The following TEKT5 variants were observed in gnomAD, a reference collection of about 807,000 sequenced individuals.
TEKT5 encodes the protein tektin-5.
Under a neutral mutation model 48.7 loss-of-function variants are expected in TEKT5, and 52 were observed. The observed-to-expected ratio is 1.07, with a 90% CI of 0.86 to 1.35. TEKT5 has a LOEUF of 1.35. Ranked by LOEUF, TEKT5 falls within the 40% of genes most tolerant of loss-of-function variation. The pLI, the probability that TEKT5 is intolerant of heterozygous loss-of-function variation, is 0.00. For synonymous variants in TEKT5, 318 were observed against 267.6 expected (o/e 1.19, Z -1.84); for missense variants, 831 against 641.6 (o/e 1.30, Z -3.19).
chr16:10,643,575 T>C lies in TEKT5; in HGVS notation c.1087-7657A>G, dbSNP rs141585968. ...AGCCCTTGAATGTGGCTAGTGCAAA[T>C]TGAGATGAGCCGTAAGTAAGCACGT... On this transcript the variant is annotated intron_variant, in intron 5 of 6. Transcript: ENST00000283025. Among the ~76,000 whole-genome samples, 629 of 152,214 alleles carry C rather than the reference T, an allele frequency of 4.1e-3. 4 individuals carry two copies. Among genetic ancestry groups the C allele is most frequent in the Non-Finnish European group, 5.0e-3 (340 of 68,014 alleles).
intron 5 of TEKT5, among the ~76,000 whole-genome samples, chr16:10,652,597 C>T (rs1261604186): frequency 1.3e-5 from 1 of 75,100 alleles, no homozygotes; most frequent in Non-Finnish European, 2.6e-5. Flanking sequence ...CTTATATACA[C>T]AGGCAGACAC....
chr16:10,655,407 C>G (rs1301106727), intron 5 of TEKT5, among the ~76,000 whole-genome samples: 2 of 152,130 alleles, frequency 1.3e-5, no homozygotes, highest in Non-Finnish European at 2.9e-5. Context: ...CTGTCTAAAC[C>G]TCAGTATTTT....
At chr16:10,694,253 T>G in intron 1 of TEKT5, 57 bp downstream of exon 1, 5 of 1,487,440 alleles carry the variant, frequency 3.4e-6, no homozygotes, top group Non-Finnish European at 4.5e-6. Flanking sequence ...GGAAGCAGAA[T>G]GAGCGTGCAG....
intron 5 of TEKT5, among the ~76,000 whole-genome samples, chr16:10,653,627 G>A (rs762930947): frequency 5.9e-5 from 9 of 152,130 alleles, no homozygotes; most frequent in Non-Finnish European, 1.2e-4. Context: ...ATAATAACTT[G>A]CCCGGCCAGG....
At chr16:10,661,257 C>A (rs1302645101) in intron 5 of TEKT5, among the ~76,000 whole-genome samples, 1 of 152,148 alleles carries the variant, frequency 6.6e-6, no homozygotes, top group African/African-American at 2.4e-5. Flanking sequence ...AAATCACAAT[C>A]CCCCAAAGCT....
chr16:10,630,331 G>A (rs902656281), intron 6 of TEKT5, among the ~76,000 whole-genome samples: 1 of 151,922 alleles, frequency 6.6e-6, no homozygotes, highest in African/African-American at 2.4e-5. Flanking sequence ...AAACCTCTGG[G>A]TTCAAGAGAT....
intron 5 of TEKT5, among the ~76,000 whole-genome samples, chr16:10,643,409 A>G (rs1017966518): frequency 9.2e-5 from 14 of 152,016 alleles, no homozygotes; most frequent in Non-Finnish European, 1.9e-4. Context: ...ATATAAATAT[A>G]AAAAAATTTA....
In TEKT5 at chr16:10,658,618, G is replaced by T. The variant is rs1247416322; in HGVS notation, c.1086+17341C>A. Among the ~76,000 whole-genome samples the T allele has an allele frequency of 4.6e-5, 7 of 152,052 alleles. No individual in the cohort carries two copies. The East Asian group carries it at 9.7e-4, about 21-fold the overall frequency. On this transcript the variant is annotated intron_variant, in intron 5 of 6. Transcript: ENST00000283025. Reference sequence around the variant, plus strand: ...GTGTAGACTGAGAGGTGGTATGAGGGGGGCTCCTGGAACTAGAAATGTCCT... The same window carrying T: ...GTGTAGACTGAGAGGTGGTATGAGGTGGGCTCCTGGAACTAGAAATGTCCT...
At chr16:10,674,439 G>A (rs1258908748) in intron 5 of TEKT5, among the ~76,000 whole-genome samples, 2 of 151,818 alleles carry the variant, frequency 1.3e-5, no homozygotes, top group Non-Finnish European at 2.9e-5. Flanking sequence ...TTTGAGACCA[G>A]CCTAAGCAAC....
At position 10,694,412 on chromosome 16, in the gene TEKT5, C is replaced by T; in HGVS notation, c.462G>A (p.Glu154=). The change falls in exon 1 of 7, where the codon GAG becomes GAA. Residue 154 remains glutamate, a synonymous_variant. Transcript: ENST00000283025. ...RLSDIGFWKS[E]LSYELDRLLT... is the part of the protein sequence containing the mutation. The stretch of plus-strand genomic sequence containing the variant: ...GAAGCCTGTCCAGCTCATAGCTCAG[C>T]TCTGACTTCCAGAAGCCAATGTCCG... The T allele has an allele frequency of 6.2e-7, 1 of 1,614,172 alleles. No homozygotes were observed. The highest frequency in any genetic ancestry group is 8.5e-7 in the Non-Finnish European group (1 of 1,180,042).
chr16:10,656,857 C>G (rs1407832416), intron 5 of TEKT5, among the ~76,000 whole-genome samples: 1 of 152,088 alleles, frequency 6.6e-6, no homozygotes, highest in East Asian at 1.9e-4. Flanking sequence ...CCTCCCACCT[C>G]CACCTCCTGA....
At chr16:10,660,096 G>C (rs1427837123) in intron 5 of TEKT5, among the ~76,000 whole-genome samples, 1 of 152,164 alleles carries the variant, frequency 6.6e-6, no homozygotes, top group Non-Finnish European at 1.5e-5. Flanking sequence ...TGAGACATTA[G>C]GCAACGTGAT....
At chr16:10,632,980 C>A (rs1897860516) in intron 6 of TEKT5, among the ~76,000 whole-genome samples, 1 of 151,982 alleles carries the variant, frequency 6.6e-6, no homozygotes, top group South Asian at 2.1e-4. Context: ...AGTGGTATGA[C>A]TGTTGAACGG....
At position 10,653,999 on chromosome 16, in the gene TEKT5, CGT is replaced by C. The variant is rs368206992; in HGVS notation, c.1087-18083_1087-18082del. On this transcript the variant is annotated intron_variant, in intron 5 of 6. Coordinates refer to ENST00000283025, the MANE Select transcript of TEKT5 (RefSeq NM_144674.2). The stretch of plus-strand genomic sequence containing the variant: ...CTAAGTAAAATTGTGTGTGTGTGAA[CGT>C]GTGTGTGTGTGTGCATGTGTGTGTG... Among the ~76,000 whole-genome samples, 16 of 149,708 alleles carry C rather than the reference CGT, an allele frequency of 1.1e-4. No homozygotes were observed. In the East Asian group the frequency reaches 1.7e-3, roughly 16 times the overall value.
intron 5 of TEKT5, among the ~76,000 whole-genome samples, chr16:10,654,658 G>C (rs1266479647): frequency 6.6e-6 from 1 of 152,120 alleles, no homozygotes; most frequent in African/African-American, 2.4e-5. Flanking sequence ...TTCAGACTCA[G>C]ACGGAAGCTT....
chr16:10,629,037 G>A (rs1416248553), intron 6 of TEKT5, among the ~76,000 whole-genome samples: 1 of 152,220 alleles, frequency 6.6e-6, no homozygotes, highest in African/African-American at 2.4e-5. Flanking sequence ...CACAGGAAAT[G>A]TCCAGAAGAG....
rs749488863 is a variant in TEKT5, at chr16:10,694,660, G to A, written c.214C>T (p.Leu72=). 5 of 1,613,270 alleles carry A rather than the reference G, an allele frequency of 3.1e-6. No homozygotes were observed. The highest frequency in any genetic ancestry group is 2.5e-6 in the Non-Finnish European group (3 of 1,179,564). ...GTGGGCAGGATGGTGGGCGGCCGCA[G>A]GGTACTGGTGCTCTCGTCCGGGCAG... ...QTCPDESTST[L]RPPTILPTLR... Residue 72 remains leucine, a synonymous_variant, in exon 1 of 7, where the codon CTG becomes TTG. Coordinates refer to ENST00000283025, the MANE Select transcript of TEKT5 (RefSeq NM_144674.2).
chr16:10,673,401 GAA>G (rs1213640162), intron 5 of TEKT5, among the ~76,000 whole-genome samples: 6 of 152,192 alleles, frequency 3.9e-5, no homozygotes, highest in Non-Finnish European at 7.3e-5. Context: ...CTGCAAAGCT[GAA>G]AACAGTTATC....
intron 5 of TEKT5, among the ~76,000 whole-genome samples, chr16:10,655,080 G>A (rs769876241): frequency 5.3e-5 from 8 of 151,670 alleles, no homozygotes; most frequent in African/African-American, 1.7e-4. Flanking sequence ...CTGTAAGGCA[G>A]GAAGAGAGAC....
Sources: allele counts gnomAD v4.1 joint callset (sites outside exome capture counted in the v4.1 genomes callset), GRCh38; gene constraint gnomAD v4.1.1; transcripts MANE v1.5; gene names NCBI Gene and HGNC (gene_info 2026-07-23, HGNC 2026-07-21).